DPYSL2: variants seen among roughly 807,000 people sequenced by gnomAD.
DPYSL2 encodes dihydropyrimidinase-related protein 2.
In DPYSL2, 13 loss-of-function variants were observed where a neutral mutation model predicts 69.9. The ratio of observed to expected loss-of-function variants is 0.19; its 90% CI spans 0.12 to 0.30. The LOEUF (loss-of-function observed/expected upper bound fraction) is 0.30. Among genes scored for constraint, DPYSL2 ranks in the 10% least tolerant of loss-of-function variants. The pLI is 1.00. For synonymous variants in DPYSL2, 326 were observed against 359.1 expected (o/e 0.91, Z 1.04); for missense variants, 587 against 918.9 (o/e 0.64, Z 4.67).
chr8:26,606,590 G>A (rs1802112140), intron 3 of DPYSL2, among the ~76,000 whole-genome samples: 1 of 151,996 alleles, frequency 6.6e-6, no homozygotes, highest in South Asian at 2.1e-4. Context: ...TATGAGCAAG[G>A]TATTCACAAA....
rs1404629833 is a variant in DPYSL2 at position 26,593,071 on chromosome 8, G to A, written c.628+9088G>A. On this transcript the variant is annotated intron_variant, in intron 3 of 13. Coordinates refer to ENST00000521913, the MANE Select transcript of DPYSL2 (RefSeq NM_001197293.3). The surrounding 1 kb of genome is among the most constrained non-coding windows in gnomAD (Gnocchi z 5.7). ...ATGGTAATGATAAAGGGGAGTGACA[G>A]TGAGTAGAAATTAGAGTTCTTTCTG... Among the ~76,000 whole-genome samples the A allele has an allele frequency of 2.0e-5, 3 of 152,256 alleles. No homozygotes were observed. The highest frequency in any genetic ancestry group is 2.1e-4 in the South Asian group (1 of 4,832).
At chr8:26,637,311 C>A (rs1051860739) in intron 8 of DPYSL2, among the ~76,000 whole-genome samples, 3 of 152,216 alleles carry the variant, frequency 2.0e-5, no homozygotes, top group Non-Finnish European at 4.4e-5. Flanking sequence ...ACTTCCTAGG[C>A]TCTTAGGCTC....
In DPYSL2 at chr8:26,617,008, C is replaced by T. The variant is rs1434091144; in HGVS notation, c.629-7135C>T. Reference sequence around the variant, plus strand: ...ACAGACTGTGGTACCTGCTCAACTGCTTCAATTCCAGAACTGGAACTGCAG... The same window carrying T: ...ACAGACTGTGGTACCTGCTCAACTGTTTCAATTCCAGAACTGGAACTGCAG... On this transcript the variant is annotated intron_variant, in intron 3 of 13. Coordinates refer to ENST00000521913, the MANE Select transcript of DPYSL2 (RefSeq NM_001197293.3). This position sits in a 1 kb window ranked among gnomAD's most constrained non-coding sequence, Gnocchi z 4.7. Among the ~76,000 whole-genome samples, 4 of 152,226 alleles carry T rather than the reference C, an allele frequency of 2.6e-5. No homozygotes were observed. The highest frequency in any genetic ancestry group is 5.9e-5 in the Non-Finnish European group (4 of 68,036).
intron 1 of DPYSL2, among the ~76,000 whole-genome samples, chr8:26,549,225 TAATC>T (rs913405699): frequency 6.6e-6 from 1 of 150,580 alleles, no homozygotes; most frequent in Non-Finnish European, 1.5e-5. Flanking sequence ...ATAATAATAA[TAATC>T]AAAAGGATAT....
intron 1 of DPYSL2, among the ~76,000 whole-genome samples, chr8:26,547,500 C>T (rs1800791586): frequency 6.6e-6 from 1 of 152,160 alleles, no homozygotes; most frequent in Non-Finnish European, 1.5e-5. Flanking sequence ...TTTGAGGAGA[C>T]AGAACAAGCA....
At position 26,614,189 on chromosome 8, in the gene DPYSL2, G is replaced by A. The variant is rs1802297663; in HGVS notation, c.629-9954G>A. 6.6e-6 allele frequency among the ~76,000 whole-genome samples: 1 copy of A among 152,112 alleles called. No individual in the cohort carries two copies. The highest frequency in any genetic ancestry group is 2.4e-5 in the African/African-American group (1 of 41,430). On this transcript the variant is annotated intron_variant, in intron 3 of 13. Transcript: ENST00000521913. This position sits in a 1 kb window ranked among gnomAD's most constrained non-coding sequence, Gnocchi z 4.9. Reference sequence around the variant, plus strand: ...GAGGGTGGAGGAAGAAGAGCCAGCGGAAGATTCTTCTGAGACATGGGAAGT... The same window carrying A: ...GAGGGTGGAGGAAGAAGAGCCAGCGAAAGATTCTTCTGAGACATGGGAAGT...
rs996393393 is a variant in DPYSL2 at position 26,652,748 on chromosome 8, T to C, written c.1776+312T>C. Among the ~76,000 whole-genome samples, 2 of 152,044 alleles carry C rather than the reference T, an allele frequency of 1.3e-5. No homozygotes were observed. Among genetic ancestry groups the C allele is most frequent in the African/African-American group, 4.8e-5 (2 of 41,402 alleles). On this transcript the variant is annotated intron_variant, in intron 12 of 13. Transcript: ENST00000521913. This position sits in a 1 kb window ranked among gnomAD's most constrained non-coding sequence, Gnocchi z 6.3. The stretch of plus-strand genomic sequence containing the variant: ...GGGGAGAGGACATTTTGAGTTGGGC[T>C]TTGAAGGTTAAGTAGGAGTTTGTCA...
At chr8:26,524,253 G>A (rs896229727) in intron 1 of DPYSL2, among the ~76,000 whole-genome samples, 27 of 151,860 alleles carry the variant, frequency 1.8e-4, no homozygotes, top group African/African-American at 6.6e-4. Context: ...GTGTCTCATT[G>A]TGGTTTTGTC....
chr8:26,576,548 TCCC>T (rs1801347937), intron 1 of DPYSL2, among the ~76,000 whole-genome samples: 1 of 152,074 alleles, frequency 6.6e-6, no homozygotes, highest in South Asian at 2.1e-4. Flanking sequence ...CGTTTTTCTT[TCCC>T]ACGGACCCTG....
rs552470083 is a variant in DPYSL2 at position 26,657,168 on chromosome 8, G to A, written c.*1462G>A. The A allele has an allele frequency of 2.4e-4, 37 of 152,562 alleles. No homozygotes were observed. Among genetic ancestry groups the A allele is most frequent in the Non-Finnish European group, 4.4e-5 (3 of 68,036 alleles). 9.5% of individuals were successfully genotyped at this position (152,562 alleles called of 1,614,324 possible). A position where few individuals can be genotyped will look rare whatever the true frequency, so the allele number is the denominator to read the frequency against. ...TTAAAGTCTATTCTACTTTGCAAGA[G>A]GAGAAATGTGTTTTATGAACGATAG... is the stretch of plus-strand genomic sequence containing the variant. On this transcript the variant is annotated 3_prime_UTR_variant, in exon 14 of 14. Transcript: ENST00000521913.
Position 26,591,994 on chromosome 8 carries a change from T to C in DPYSL2, c.628+8011T>C, listed in dbSNP as rs539867167. 2.4e-4 allele frequency among the ~76,000 whole-genome samples: 37 copies of C among 151,874 alleles called. No individual in the cohort carries two copies. Among genetic ancestry groups the C allele is most frequent in the African/African-American group, 6.3e-4 (26 of 41,462 alleles). ...AAACACCTAACCACACTGTAAGTTTTTAGTAGTTTCGTTTAATATCCCTCT... is the reference window on the plus strand; with the variant it reads ...AAACACCTAACCACACTGTAAGTTTCTAGTAGTTTCGTTTAATATCCCTCT... On this transcript the variant is annotated intron_variant, in intron 3 of 13. Coordinates refer to ENST00000521913, the MANE Select transcript of DPYSL2 (RefSeq NM_001197293.3). The surrounding 1 kb of genome is among the most constrained non-coding windows in gnomAD (Gnocchi z 5.8).
At chr8:26,543,457 T>TTTATGAA (rs1179365217) in intron 1 of DPYSL2, among the ~76,000 whole-genome samples, 1 of 152,126 alleles carries the variant, frequency 6.6e-6, no homozygotes, top group Admixed American at 6.6e-5. Flanking sequence ...TAAGAAGATA[T>TTTATGAA]TTATGAATTG....
chr8:26,538,351 G>C (rs1585495915), intron 1 of DPYSL2, among the ~76,000 whole-genome samples: 1 of 152,172 alleles, frequency 6.6e-6, no homozygotes, highest in African/African-American at 2.4e-5. Context: ...ACCCAGTGGA[G>C]CATGAAAACT....
intron 1 of DPYSL2, among the ~76,000 whole-genome samples, chr8:26,525,535 T>C (rs909389083): frequency 2.6e-5 from 4 of 152,250 alleles, no homozygotes; most frequent in Non-Finnish European, 5.9e-5. Flanking sequence ...ATTTCATTTT[T>C]ATCTACATTT....
rs1388187971 is a variant in DPYSL2 at position 26,609,993 on chromosome 8, GCA to G, written c.629-14141_629-14140del. 2.6e-5 allele frequency among the ~76,000 whole-genome samples: 4 copies of G among 152,168 alleles called. No individual in the cohort carries two copies. The highest frequency in any genetic ancestry group is 4.4e-5 in the Non-Finnish European group (3 of 68,038). On this transcript the variant is annotated intron_variant, in intron 3 of 13. Transcript: ENST00000521913. This position sits in a 1 kb window ranked among gnomAD's most constrained non-coding sequence, Gnocchi z 6.5. Reference sequence around the variant, plus strand: ...CACACACGTACACACTCACCCATGTGCACACACACAGGCACACACATGAGAAA... The same window carrying G: ...CACACACGTACACACTCACCCATGTGCACACACAGGCACACACATGAGAAA...
Position 26,582,120 on chromosome 8 carries a change from T to C in DPYSL2, c.443+63T>C, listed in dbSNP as rs1801505835. 7.6e-7 allele frequency: 1 copy of C among 1,316,214 alleles called. No homozygotes were observed. Among genetic ancestry groups the C allele is most frequent in the African/African-American group, 1.4e-5 (1 of 69,202 alleles). 81.5% of individuals were successfully genotyped at this position (1,316,214 alleles called of 1,614,324 possible). A position where few individuals can be genotyped will look rare whatever the true frequency, so the allele number is the denominator to read the frequency against. ...CTTTCCAGACTTCCCAAGTATTAGA[T>C]ACCATTCGCATCCAAAGTATCAAAC... On this transcript the variant is annotated intron_variant, in intron 2 of 13. Transcript: ENST00000521913. This position sits in a 1 kb window ranked among gnomAD's most constrained non-coding sequence, Gnocchi z 4.1.
rs960835561 is a variant in DPYSL2 at position 26,598,710 on chromosome 8, ATC to A, written c.628+14733_628+14734del. 4.6e-5 allele frequency among the ~76,000 whole-genome samples: 7 copies of A among 152,074 alleles called. No individual in the cohort carries two copies. Among genetic ancestry groups the A allele is most frequent in the Non-Finnish European group, 7.3e-5 (5 of 68,034 alleles). ...GGCAGGTTGAAGCTTCAACACCAAA[ATC>A]TCTCTGTTCCTTGTGGGTGGATGGG... On this transcript the variant is annotated intron_variant, in intron 3 of 13. Transcript: ENST00000521913. The surrounding 1 kb of genome is among the most constrained non-coding windows in gnomAD (Gnocchi z 4.2).
chr8:26,523,971 T>A (rs1345700664), intron 1 of DPYSL2, among the ~76,000 whole-genome samples: 1 of 152,268 alleles, frequency 6.6e-6, no homozygotes, highest in Non-Finnish European at 1.5e-5. Context: ...TGAATAATGT[T>A]GCTATGAACA....
At chr8:26,618,993 GT>G (rs1563412115) in intron 3 of DPYSL2, among the ~76,000 whole-genome samples, 1 of 151,810 alleles carries the variant, frequency 6.6e-6, no homozygotes, top group Non-Finnish European at 1.5e-5. Flanking sequence ...AGAAATGGAG[GT>G]TCCAAAAGGC....
Sources: gnomAD v4.1 joint callset for allele counts (sites outside exome capture counted in the v4.1 genomes callset) on GRCh38, gnomAD v4.1.1 for gene constraint, Gnocchi (gnomAD v3.1) non-coding constraint, MANE v1.5 for transcripts, NCBI Gene and HGNC (gene_info 2026-07-23, HGNC 2026-07-21) for gene names.